The following DCC variants were observed in gnomAD, a reference collection of about 807,000 sequenced individuals.
DCC encodes netrin receptor DCC.
A neutral mutation model predicts 172.5 loss-of-function variants in DCC; 58 were observed. That is an observed-to-expected ratio of 0.34 (90% CI 0.27 to 0.42). The LOEUF (loss-of-function observed/expected upper bound fraction) is 0.42, where lower values mean the gene tolerates loss of function less well. DCC is among the 10% of genes least tolerant of loss of function. DCC has a pLI of 1.00. For synonymous variants in DCC, 709 were observed against 644.5 expected (o/e 1.10, Z -1.52); for missense variants, 1,740 against 1,791.0 (o/e 0.97, Z 0.51).
intron 1 of DCC, among the ~76,000 whole-genome samples, chr18:52,751,601 A>G (rs928078471): frequency 6.6e-5 from 10 of 152,140 alleles, no homozygotes; most frequent in African/African-American, 2.2e-4. Flanking sequence ...TTCTTATAGA[A>G]CCCTGTATCA....
At chr18:52,808,616 A>G (rs1015990790) in intron 2 of DCC, among the ~76,000 whole-genome samples, 1 of 152,202 alleles carries the variant, frequency 6.6e-6, no homozygotes, top group African/African-American at 2.4e-5. Flanking sequence ...GATGGAGAAC[A>G]CTGTTCCAAA....
At chr18:52,366,982 G>A (rs965806208) in intron 1 of DCC, among the ~76,000 whole-genome samples, 2 of 152,340 alleles carry the variant, frequency 1.3e-5, no homozygotes, top group African/African-American at 2.4e-5. Context: ...GGCTCGGGCC[G>A]CACAGGAGCC....
At chr18:52,950,929 C>CAAAAAAAAAAAAAAAAAAAAAAAAAAA (rs755118442) in intron 5 of DCC, among the ~76,000 whole-genome samples, 3 of 57,408 alleles carry the variant, frequency 5.2e-5, no homozygotes, top group African/African-American at 6.5e-5. Context: ...GACTCCGTCT[C>CAAAAAAAAAAAAAAAAAAAAAAAAAAA]AAAAAAAAAA....
intron 27 of DCC, among the ~76,000 whole-genome samples, chr18:53,514,999 AAG>A (rs2046315918): frequency 6.6e-6 from 1 of 151,864 alleles, no homozygotes; most frequent in African/African-American, 2.4e-5. Flanking sequence ...ACAACAAAAA[AAG>A]AGAATTTTAG....
At chr18:52,845,907 G>A (rs2038879828) in intron 2 of DCC, among the ~76,000 whole-genome samples, 1 of 150,180 alleles carries the variant, frequency 6.7e-6, no homozygotes, top group African/African-American at 2.4e-5. Flanking sequence ...CTCCTTAGAG[G>A]TTAGTTTGTT....
intron 7 of DCC, among the ~76,000 whole-genome samples, chr18:53,144,875 T>C (rs2043882384): frequency 6.6e-6 from 1 of 152,120 alleles, no homozygotes; most frequent in Non-Finnish European, 1.5e-5. Context: ...TGTTTTCAGT[T>C]TGGAAGAAAT....
chr18:53,066,559 C>A (rs1038475867), intron 7 of DCC, among the ~76,000 whole-genome samples: 1 of 150,150 alleles, frequency 6.7e-6, no homozygotes, highest in Admixed American at 6.7e-5. Flanking sequence ...CCCAGCATTC[C>A]ATTTAAATAT....
chr18:52,791,021 G>A (rs139525371), intron 2 of DCC, among the ~76,000 whole-genome samples: 108 of 152,286 alleles, frequency 7.1e-4, no homozygotes, highest in African/African-American at 2.4e-3. Context: ...CTAAGGTGGC[G>A]GAATGGGAAA....
chr18:52,564,662 A>C (rs1256546331), intron 1 of DCC, among the ~76,000 whole-genome samples: 2 of 95,868 alleles, frequency 2.1e-5, no homozygotes. Context: ...CTTTTATTAT[A>C]ATATTGGGGG....
intron 7 of DCC, among the ~76,000 whole-genome samples, chr18:53,134,843 A>T (rs2043715963): frequency 6.6e-6 from 1 of 152,140 alleles, no homozygotes; most frequent in Admixed American, 6.6e-5. Context: ...TTCACCATCA[A>T]ATGCAGTTGA....
At chr18:53,447,487 T>G (rs1912689464) in intron 22 of DCC, among the ~76,000 whole-genome samples, 1 of 152,182 alleles carries the variant, frequency 6.6e-6, no homozygotes, top group Admixed American at 6.5e-5. Context: ...CTCAGCAGAA[T>G]TCAGAGTTAT....
chr18:53,038,192 A>C (rs572858451), intron 5 of DCC, among the ~76,000 whole-genome samples: 1 of 152,128 alleles, frequency 6.6e-6, no homozygotes, highest in African/African-American at 2.4e-5. Context: ...CCAGTCCCTA[A>C]ACTTACTTGT....
intron 24 of DCC, among the ~76,000 whole-genome samples, chr18:53,461,764 C>T (rs1206042250): frequency 1.3e-5 from 2 of 152,182 alleles, no homozygotes; most frequent in African/African-American, 4.8e-5. Flanking sequence ...GGCAGATTTC[C>T]TAACTTCCTT....
At chr18:53,484,690 C>A (rs2045880668) in intron 25 of DCC, among the ~76,000 whole-genome samples, 1 of 151,904 alleles carries the variant, frequency 6.6e-6, no homozygotes, top group South Asian at 2.1e-4. Flanking sequence ...GAGACTATAC[C>A]TTTTTAACAT....
intron 5 of DCC, among the ~76,000 whole-genome samples, chr18:52,984,296 G>A (rs1181963132): frequency 6.6e-6 from 1 of 151,976 alleles, no homozygotes; most frequent in African/African-American, 2.4e-5. Flanking sequence ...TTCATCCTTT[G>A]ATTAGTGTGG....
intron 15 of DCC, among the ~76,000 whole-genome samples, chr18:53,348,699 G>A (rs2057753193): frequency 6.6e-6 from 1 of 152,162 alleles, no homozygotes; most frequent in African/African-American, 2.4e-5. Context: ...TGCACTGGCA[G>A]GCTCAACACT....
At chr18:52,411,721 T>C (rs1789666) in intron 1 of DCC, among the ~76,000 whole-genome samples, 119,195 of 152,068 alleles carry the variant, frequency 0.78, 46,969 homozygotes, top group Middle Eastern at 0.83. Context: ...GTCAAATGGC[T>C]TTAGGCAATT....
chr18:53,381,718 AAGGTTAT>A (rs1285366306), intron 15 of DCC, among the ~76,000 whole-genome samples: 1 of 152,104 alleles, frequency 6.6e-6, no homozygotes, highest in African/African-American at 2.4e-5. Flanking sequence ...GAATCTGTCC[AAGGTTAT>A]AGACTAATGA....
At position 52,925,290 on chromosome 18, in the gene DCC, A is replaced by T. The variant is rs1216856637; in HGVS notation, c.905A>T (p.Asp302Val). Residue 302 changes from aspartate to valine, a missense_variant, in exon 5 of 29, where the codon GAT becomes GTT. Around this residue, in one of 2 missense-constraint regions of DCC, gnomAD observed 1,732 missense variants for 1,767.4 expected, o/e 0.98. Transcript: ENST00000442544. ...AACTTGCTTATCTCCAATGTGACAG[A>T]TGATGACAGTGGAATGTATACCTGT... ...GSNLLISNVT[D>V]DDSGMYTCVV... 6.2e-7 allele frequency: 1 copy of T among 1,612,264 alleles called. No homozygotes were observed. The highest frequency in any genetic ancestry group is 8.5e-7 in the Non-Finnish European group (1 of 1,178,500).
Sources: gnomAD v4.1 joint callset for allele counts (sites outside exome capture counted in the v4.1 genomes callset) on GRCh38, gnomAD v4.1.1 for gene constraint, gnomAD v4.1.1 regional missense constraint, MANE v1.5 for transcripts, NCBI Gene and HGNC (gene_info 2026-07-23, HGNC 2026-07-21) for gene names.